The following RNLS variants were observed in gnomAD, a reference collection of about 807,000 sequenced individuals.
The protein encoded by RNLS is renalase, FAD dependent amine oxidase.
In RNLS, 39 loss-of-function variants were observed where a neutral mutation model predicts 39.8. The observed-to-expected ratio is 0.98, with a 90% CI of 0.76 to 1.28. The LOEUF (loss-of-function observed/expected upper bound fraction) is 1.28. RNLS is among the 50% of genes most tolerant of loss of function. The probability of loss-of-function intolerance (pLI) is 0.00; values close to 1 mark genes in which losing one functional copy is unlikely to be tolerated. For missense variants in RNLS, 410 were observed against 413.3 expected (o/e 0.99, Z 0.07); for synonymous variants, 147 against 150.7 (o/e 0.98, Z 0.18).
At position 88,544,274 on chromosome 10, in the gene RNLS, C is replaced by T. The variant is rs542691096; in HGVS notation, c.526+28629G>A. ...ATTTCTCTACATACTTCTAAGATTGCCTCATTTAAAAGTACCTGGTGGAAT... is the reference window on the plus strand; with the variant it reads ...ATTTCTCTACATACTTCTAAGATTGTCTCATTTAAAAGTACCTGGTGGAAT... On this transcript the variant is annotated intron_variant, in intron 4 of 6. Transcript: ENST00000331772. 9.9e-4 allele frequency among the ~76,000 whole-genome samples: 150 copies of T among 152,210 alleles called. 2 individuals are homozygous for T. The highest frequency in any genetic ancestry group is 6.8e-3 in the Middle Eastern group (2 of 294).
intron 4 of RNLS, among the ~76,000 whole-genome samples, chr10:88,475,597 C>T (rs991045967): frequency 1.3e-5 from 2 of 152,128 alleles, no homozygotes; most frequent in African/African-American, 4.8e-5. Context: ...ATCTCACCTT[C>T]CTATGTCAAG....
At chr10:88,219,317 A>G in the RNLS span, among the ~76,000 whole-genome samples, 1 of 152,198 alleles carries the variant, frequency 6.6e-6, no homozygotes, top group Non-Finnish European at 1.5e-5. Flanking sequence ...GTAGGTCAAC[A>G]TGCCCTTCCT....
the RNLS span, among the ~76,000 whole-genome samples, chr10:88,178,406 G>T: frequency 1.3e-5 from 2 of 151,940 alleles, no homozygotes; most frequent in African/African-American, 4.8e-5. Context: ...ATTGGCTCCA[G>T]GTAGCTCCCC....
At chr10:88,349,703 G>A (rs184210056) in intron 5 of RNLS, among the ~76,000 whole-genome samples, 12 of 151,550 alleles carry the variant, frequency 7.9e-5, no homozygotes, top group African/African-American at 1.7e-4. Flanking sequence ...TTATTTTTAC[G>A]TATGTATATA....
At chr10:88,366,393 G>T (rs1227966686) in intron 4 of RNLS, among the ~76,000 whole-genome samples, 1 of 151,970 alleles carries the variant, frequency 6.6e-6, no homozygotes, top group Non-Finnish European at 1.5e-5. Context: ...TCTTAGATTA[G>T]AGAGAACAGT....
At chr10:88,366,693 G>GAAAAAAAAAAAAAAAAAAAAAAAAA (rs1850136603) in intron 4 of RNLS, among the ~76,000 whole-genome samples, 1 of 95,076 alleles carries the variant, frequency 1.1e-5, no homozygotes. Flanking sequence ...AAAAAAAAAG[G>GAAAAAAAAAAAAAAAAAAAAAAAAA]AAATCCACAG....
intron 4 of RNLS, among the ~76,000 whole-genome samples, chr10:88,492,920 C>T (rs1398581618): frequency 6.6e-6 from 1 of 152,052 alleles, no homozygotes; most frequent in Non-Finnish European, 1.5e-5. Context: ...TCACTTTCTA[C>T]CCAGGATAAA....
chr10:88,369,689 CT>C (rs1235400468), intron 4 of RNLS, among the ~76,000 whole-genome samples: 1 of 151,976 alleles, frequency 6.6e-6, no homozygotes, highest in African/African-American at 2.4e-5. Flanking sequence ...TCCTTAAATT[CT>C]TTTTTTGGAG....
chr10:88,195,582 A>C, the RNLS span, among the ~76,000 whole-genome samples: 1 of 152,218 alleles, frequency 6.6e-6, no homozygotes, highest in Non-Finnish European at 1.5e-5. Context: ...ACCAAGCTAC[A>C]TGAAGAATTT....
chr10:88,198,954 T>C, the RNLS span, among the ~76,000 whole-genome samples: 4 of 152,132 alleles, frequency 2.6e-5, no homozygotes, highest in Non-Finnish European at 5.9e-5. Context: ...GTATCTCTCA[T>C]TTTCTCCTCC....
chr10:88,243,427 A>G, the RNLS span, among the ~76,000 whole-genome samples: 1 of 152,200 alleles, frequency 6.6e-6, no homozygotes, highest in Non-Finnish European at 1.5e-5. Flanking sequence ...CTTGAGTTCC[A>G]TTTTGAGCAT....
chr10:88,477,448 C>T (rs1460856684), intron 4 of RNLS, among the ~76,000 whole-genome samples: 1 of 151,976 alleles, frequency 6.6e-6, no homozygotes, highest in African/African-American at 2.4e-5. Context: ...ATGGGGATGA[C>T]AGCGATGGTG....
chr10:88,345,550 G>A (rs1006469150), intron 5 of RNLS, among the ~76,000 whole-genome samples: 1 of 152,048 alleles, frequency 6.6e-6, no homozygotes, highest in African/African-American at 2.4e-5. Context: ...TCTCTCTTCT[G>A]TCTCTCAAAA....
chr10:88,275,169 A>T, intron 6 of RNLS: 1 of 591,060 alleles, frequency 1.7e-6, no homozygotes, highest in South Asian at 2.9e-5. Context: ...CTGGCTCTAT[A>T]GGTGGTCTTG....
At chr10:88,329,958 G>T (rs1356670314) in intron 5 of RNLS, among the ~76,000 whole-genome samples, 4 of 151,074 alleles carry the variant, frequency 2.6e-5, no homozygotes, top group Admixed American at 6.6e-5. Context: ...TATATTGTGT[G>T]TCTGGTTATT....
intron 4 of RNLS, among the ~76,000 whole-genome samples, chr10:88,510,659 A>G (rs1046195158): frequency 9.2e-5 from 14 of 152,026 alleles, no homozygotes; most frequent in Admixed American, 8.5e-4. Flanking sequence ...CCTGGCCAAC[A>G]TGGTAAAATC....
At chr10:88,297,214 GC>G (rs2132928669) in intron 6 of RNLS, among the ~76,000 whole-genome samples, 1 of 152,272 alleles carries the variant, frequency 6.6e-6, no homozygotes, top group Admixed American at 6.5e-5. Context: ...GTAAGAAACT[GC>G]CAAAGTATTT....
chr10:88,478,863 ATTTC>A (rs920623388), intron 4 of RNLS, among the ~76,000 whole-genome samples: 2 of 146,170 alleles, frequency 1.4e-5, no homozygotes, highest in East Asian at 2.0e-4. Flanking sequence ...TCTTTCTTTC[ATTTC>A]TTTCTTTCTC....
intron 3 of RNLS, among the ~76,000 whole-genome samples, chr10:88,578,134 T>C (rs895322673): frequency 1.9e-4 from 29 of 152,342 alleles, no homozygotes; most frequent in African/African-American, 7.0e-4. Flanking sequence ...GAGATTACTA[T>C]GTGACTGGCT....
Sources: allele counts gnomAD v4.1 joint callset (sites outside exome capture counted in the v4.1 genomes callset), GRCh38; gene constraint gnomAD v4.1.1; transcripts MANE v1.5; gene names NCBI Gene and HGNC (gene_info 2026-07-23, HGNC 2026-07-21).